ENTPD5: variants seen among roughly 807,000 people sequenced by gnomAD.
ENTPD5 encodes the protein ectonucleoside triphosphate diphosphohydrolase 5 (inactive), also known as nucleoside diphosphate phosphatase ENTPD5.
In ENTPD5, 49 loss-of-function variants were observed where a neutral mutation model predicts 60.2. The ratio of observed to expected loss-of-function variants is 0.81; its 90% confidence interval spans 0.65 to 1.03. The LOEUF is 1.03. ENTPD5 is among the 50% of genes least tolerant of loss of function. The pLI, the probability that ENTPD5 is intolerant of heterozygous loss-of-function variation, is 0.00. For synonymous variants in ENTPD5, 187 were observed against 185.4 expected, an observed-to-expected ratio of 1.01 and a Z score of -0.07; for missense variants, 480 against 507.6, an observed-to-expected ratio of 0.95 and a Z score of 0.52.
downstream of ENTPD5, chr14:73,963,096 C>T: frequency 9.8e-7 from 1 of 1,024,984 alleles, no homozygotes; most frequent in Non-Finnish European, 1.5e-6. Flanking sequence ...ATTTAATAAA[C>T]TTACTTTACA....
downstream of ENTPD5, chr14:73,963,063 A>G: frequency 8.0e-7 from 1 of 1,249,050 alleles, no homozygotes; most frequent in Non-Finnish European, 1.2e-6. Flanking sequence ...GACCCATCAT[A>G]CATATTTTCA....
At chr14:73,961,414 T>C, downstream of ENTPD5, 1 of 1,614,196 alleles carries the variant, frequency 6.2e-7, no homozygotes, top group Non-Finnish European at 8.5e-7. Context: ...CCTTCTCACT[T>C]TGCTGCCAGA....
rs35835514 is a variant in ENTPD5 at position 73,966,468 on chromosome 14, G to GT, written c.*459dup. 16,990 of 149,652 alleles carry GT rather than the reference G, an allele frequency of 0.11. 1,218 individuals are homozygous for GT. The highest frequency in any genetic ancestry group is 0.19 in the Admixed American group (2,903 of 14,956). The allele number at this position is 149,652 out of a possible 1,614,324, so 9.3% of individuals were successfully genotyped here. A position where few individuals can be genotyped will look rare whatever the true frequency, so the allele number is the denominator to read the frequency against. ...AATTATACATGGAAAGCAAAACCAG[G>GT]TTTTTTTTTTTCTCTCTTTTTCAGG... On this transcript the variant is annotated 3_prime_UTR_variant, in exon 16 of 16. Transcript: ENST00000334696.
chr14:73,977,922 C>A (rs2215134), intron 6 of ENTPD5, among the ~76,000 whole-genome samples: 101,506 of 151,990 alleles, frequency 0.67, 34,047 homozygotes, highest in South Asian at 0.77. Flanking sequence ...ATGGGAATGA[C>A]GATCTTGCAA....
At position 73,964,973 on chromosome 14, in the gene ENTPD5, A is replaced by G. The variant is rs2056914277; in HGVS notation, c.*1955T>C. On this transcript the variant is annotated 3_prime_UTR_variant, in exon 16 of 16. Coordinates refer to ENST00000334696, the MANE Select transcript of ENTPD5 (RefSeq NM_001249.5). Reference sequence around the variant, plus strand: ...TAGGGAATTCTGCACTGAGTACAACATTGGATTATTTCTTTGGGCTGTTTC... The same window carrying G: ...TAGGGAATTCTGCACTGAGTACAACGTTGGATTATTTCTTTGGGCTGTTTC... 1 of 152,204 alleles carries G rather than the reference A, an allele frequency of 6.6e-6. No homozygotes were observed. The allele number at this position is 152,204 out of a possible 1,614,324, so 9.4% of individuals were successfully genotyped here. A position where few individuals can be genotyped will look rare whatever the true frequency, so the allele number is the denominator to read the frequency against.
In ENTPD5 at chr14:74,012,097, T is replaced by C. The variant is rs935150578; in HGVS notation, c.-130-947A>G. Reference sequence around the variant, plus strand: ...AACTATAAGGTCTCCAAAGTAAACATGTATTTTATTTATTTTTATTTTTTT... The same window carrying C: ...AACTATAAGGTCTCCAAAGTAAACACGTATTTTATTTATTTTTATTTTTTT... On this transcript the variant is annotated intron_variant, in intron 2 of 15. Coordinates refer to ENST00000334696, the MANE Select transcript of ENTPD5 (RefSeq NM_001249.5). 3.3e-5 allele frequency among the ~76,000 whole-genome samples: 5 copies of C among 152,120 alleles called. No homozygotes were observed. The South Asian group carries it at 1.0e-3, about 32-fold the overall frequency.
intron 13 of ENTPD5, 51 bp from the exon 14 acceptor site, chr14:73,971,959 TAAGGA>T (rs745394385): frequency 9.0e-7 from 1 of 1,114,736 alleles, no homozygotes; most frequent in East Asian, 2.3e-5. Context: ...CAAGGAAGCA[TAAGGA>T]AATTCATTCA....
intron 5 of ENTPD5, chr14:73,986,469 C>G: frequency 4.9e-6 from 1 of 202,806 alleles, no homozygotes; most frequent in Non-Finnish European, 1.0e-5. Context: ...CATGTTTATA[C>G]ATCATACCCT....
intron 9 of ENTPD5, 139 bp from the exon 10 acceptor site, chr14:73,976,154 G>A (rs17782328): frequency 0.13 from 113,788 of 857,812 alleles, 8,911 homozygotes; most frequent in Admixed American, 0.24. Context: ...TTGAGGAAAC[G>A]AAGGGATTCT....
In ENTPD5 at chr14:73,978,549, C is replaced by T. The variant is rs1014867574; in HGVS notation, c.442-1175G>A. 8.3e-5 allele frequency among the ~76,000 whole-genome samples: 12 copies of T among 143,754 alleles called. 1 individual carries two copies. Among genetic ancestry groups the T allele is most frequent in the Admixed American group, 6.2e-4 (9 of 14,416 alleles). 94.3% of individuals were successfully genotyped at this position (143,754 alleles called of 152,430 possible). Reference sequence around the variant, plus strand: ...CCAGGAGGTGGAGGTTGCAGTGAGCCGAGATCGCGCCATTGCACTCTAGCC... The same window carrying T: ...CCAGGAGGTGGAGGTTGCAGTGAGCTGAGATCGCGCCATTGCACTCTAGCC... On this transcript the variant is annotated intron_variant, in intron 6 of 15. Coordinates refer to ENST00000334696, the MANE Select transcript of ENTPD5 (RefSeq NM_001249.5).
intron 3 of ENTPD5, among the ~76,000 whole-genome samples, chr14:73,998,830 T>G (rs1483564366): frequency 6.6e-6 from 1 of 152,036 alleles, no homozygotes; most frequent in East Asian, 1.9e-4. Context: ...AGTGAATGGA[T>G]CAGTTTGACC....
At chr14:73,988,819 C>CT (rs961006928) in intron 3 of ENTPD5, among the ~76,000 whole-genome samples, 1 of 151,754 alleles carries the variant, frequency 6.6e-6, no homozygotes, top group Non-Finnish European at 1.5e-5. Context: ...ATGACCTTTG[C>CT]TTTTTTTTAT....
In ENTPD5 at chr14:73,987,914, A is replaced by G; in HGVS notation, c.189T>C (p.His63=). Residue 63 remains histidine (H), a synonymous_variant, in exon 4 of 16, where the codon CAT becomes CAC. Coordinates refer to ENST00000334696, the MANE Select transcript of ENTPD5 (RefSeq NM_001249.5). ...FDAGSTGTRI[H]VYTFVQKMPG... ...GCATTTTCTGCACAAAGGTGTAAAC[A>G]TGAATTCGAGTTCCAGTGCTCCCTG... is the stretch of plus-strand genomic sequence containing the variant. The G allele has an allele frequency of 1.2e-6, 2 of 1,614,200 alleles. No individual in the cohort carries two copies. The highest frequency in any genetic ancestry group is 1.7e-6 in the Non-Finnish European group (2 of 1,180,020).
chr14:73,984,114 G>A (rs1225251834), intron 5 of ENTPD5, among the ~76,000 whole-genome samples: 1 of 151,890 alleles, frequency 6.6e-6, no homozygotes, highest in Non-Finnish European at 1.5e-5. Flanking sequence ...TGCAACCTCT[G>A]CCTCCCGGGT....
At chr14:73,975,064 T>C (rs564755733) in intron 10 of ENTPD5, 79 bp from the exon 11 acceptor site, 98 of 1,095,690 alleles carry the variant, frequency 8.9e-5, no homozygotes, top group Non-Finnish European at 1.3e-4. Flanking sequence ...AAAAGTAACA[T>C]TGTTCCTGTG....
At chr14:74,008,475 G>A (rs56758156) in intron 3 of ENTPD5, among the ~76,000 whole-genome samples, 229 of 150,014 alleles carry the variant, frequency 1.5e-3, no homozygotes, top group African/African-American at 5.4e-3. Context: ...TGCAACCTCC[G>A]CCTCCCGCAG....
At chr14:73,977,446 G>A (rs1015002853) in intron 6 of ENTPD5, 72 bp from the exon 7 acceptor site, 4 of 1,178,162 alleles carry the variant, frequency 3.4e-6, no homozygotes, top group African/African-American at 1.6e-5. Flanking sequence ...TTTTGACAGT[G>A]TCCTGTAAGA....
At chr14:73,955,481 T>C (rs111700240), downstream of ENTPD5, 1 of 1,611,970 alleles carries the variant, frequency 6.2e-7, no homozygotes, top group Non-Finnish European at 8.5e-7. Flanking sequence ...ATCTGCAACA[T>C]GAGATACAGA....
At chr14:73,977,147 A>G in intron 7 of ENTPD5, 88 bp from the exon 8 acceptor site, 1 of 1,359,192 alleles carries the variant, frequency 7.4e-7, no homozygotes, top group East Asian at 2.3e-5. Context: ...TCCTCTCTAA[A>G]TTCCATGTCT....
Sources: gnomAD v4.1 joint callset for allele counts (sites outside exome capture counted in the v4.1 genomes callset) on GRCh38, gnomAD v4.1.1 for gene constraint, MANE v1.5 for transcripts, NCBI Gene and HGNC (gene_info 2026-07-23, HGNC 2026-07-21) for gene names.